Variants in FH observed in about 807,000 individuals in gnomAD.
FH encodes fumarate hydratase, also known as fumarate hydratase, mitochondrial.
In FH, 22 loss-of-function variants were observed where a neutral mutation model predicts 49.4. The observed-to-expected ratio is 0.45, with a 90% CI of 0.32 to 0.64. FH has a LOEUF of 0.64. FH is among the 30% of genes least tolerant of loss of function. The pLI, the probability that FH is intolerant of heterozygous loss-of-function variation, is 0.05. For synonymous variants in FH, 208 were observed against 223.0 expected (o/e 0.93, Z 0.60); for missense variants, 526 against 641.5 (o/e 0.82, Z 1.95).
At position 241,515,977 on chromosome 1, in the gene FH, T is replaced by G. The variant is rs192400367; in HGVS notation, c.267+1205A>C. Among the ~76,000 whole-genome samples the G allele has an allele frequency of 5.8e-3, 882 of 152,308 alleles. 10 individuals are homozygous for G. Among genetic ancestry groups the G allele is most frequent in the African/African-American group, 0.02 (842 of 41,554 alleles). On this transcript the variant is annotated intron_variant, in intron 2 of 9. Coordinates refer to ENST00000366560, the MANE Select transcript of FH (RefSeq NM_000143.4). ...ATGGAATTGAATAAATACTTATATA[T>G]TATCTATTATATGTCAGACATGGTT...
intron 4 of FH, among the ~76,000 whole-genome samples, chr1:241,511,273 A>C (rs1660076221): frequency 6.6e-6 from 1 of 152,184 alleles, no homozygotes; most frequent in African/African-American, 2.4e-5. Flanking sequence ...CTACAAACCA[A>C]AAAGTGGGCC....
At chr1:241,509,513 C>A (rs1013608074) in intron 4 of FH, among the ~76,000 whole-genome samples, 24 of 152,154 alleles carry the variant, frequency 1.6e-4, no homozygotes, top group African/African-American at 5.6e-4. Flanking sequence ...GTGGCTCATG[C>A]CTATAACCTC....
Position 241,500,602 on chromosome 1 carries a change from T to TAAGA in FH, c.1237-13_1237-12insTCTT, listed in dbSNP as rs1553340725. ...AACACATTTTTAATCTTTGAGTGAGTGAGAGAGAGAGAGAGAGAGAGAGAG... is the reference window on the plus strand; with the variant it reads ...AACACATTTTTAATCTTTGAGTGAGTAAGAGAGAGAGAGAGAGAGAGAGAGAGAG... On this transcript the variant is annotated splice_polypyrimidine_tract_variant and intron_variant, in intron 8 of 9. Transcript: ENST00000366560. The TAAGA allele has an allele frequency of 5.4e-5, 80 of 1,490,708 alleles. 1 individual carries two copies. In the Admixed American group the frequency reaches 1.1e-3, roughly 21 times the overall value. The allele number at this position is 1,490,708 out of a possible 1,614,324, so 92.3% of individuals were successfully genotyped here. A position where few individuals can be genotyped will look rare whatever the true frequency, so the allele number is the denominator to read the frequency against.
chr1:241,500,410 T>C, intron 9 of FH, 27 bp downstream of exon 9: 1 of 1,609,888 alleles, frequency 6.2e-7, no homozygotes, highest in Non-Finnish European at 8.5e-7. Flanking sequence ...GCATTCAAAA[T>C]GATATTATTA....
intron 8 of FH, among the ~76,000 whole-genome samples, 162 bp from the exon 9 acceptor site, chr1:241,500,752 C>G (rs1266581855): frequency 6.6e-6 from 1 of 151,712 alleles, no homozygotes; most frequent in East Asian, 1.9e-4. Flanking sequence ...GCACTATAAC[C>G]AAGGAAACAA....
At chr1:241,506,730 T>C (rs182330998) in intron 5 of FH, among the ~76,000 whole-genome samples, 2 of 152,320 alleles carry the variant, frequency 1.3e-5, no homozygotes, top group Admixed American at 1.3e-4. Flanking sequence ...TTGAAGGACC[T>C]TCCAAAAAGA....
At chr1:241,503,971 A>G in intron 7 of FH, 71 bp downstream of exon 7, 2 of 1,422,644 alleles carry the variant, frequency 1.4e-6, no homozygotes, top group South Asian at 1.2e-5. Context: ...AAAGAGAGAC[A>G]TGGTCCATAG....
chr1:241,509,446 G>A lies in FH; in HGVS notation c.556-661C>T, dbSNP rs370167048. 1.7e-3 allele frequency among the ~76,000 whole-genome samples: 263 copies of A among 152,262 alleles called. 10 individuals are homozygous for A. The South Asian group carries it at 0.052, about 30-fold the overall frequency. On this transcript the variant is annotated intron_variant, in intron 4 of 9. Coordinates refer to ENST00000366560, the MANE Select transcript of FH (RefSeq NM_000143.4). ...CCTAGCCAGGTAGTATATACTCAGT[G>A]CTCTTTCCTCAACTGTTGACCCTGT...
In FH at chr1:241,519,727, C is replaced by T. The variant is rs1398827199; in HGVS notation, c.-5G>A. On this transcript the variant is annotated 5_prime_UTR_variant, in exon 1 of 10. Coordinates refer to ENST00000366560, the MANE Select transcript of FH (RefSeq NM_000143.4). Reference sequence around the variant, plus strand: ...GAGCCGAAGTGCTCGGTACATGGTGCTGAGGGAGCTTGGGTAGAATTTCTG... The same window carrying T: ...GAGCCGAAGTGCTCGGTACATGGTGTTGAGGGAGCTTGGGTAGAATTTCTG... 20 of 1,532,608 alleles carry T rather than the reference C, an allele frequency of 1.3e-5. No individual in the cohort carries two copies. The highest frequency in any genetic ancestry group is 7.5e-5 in the East Asian group (3 of 39,978). The allele number at this position is 1,532,608 out of a possible 1,614,324, so 94.9% of individuals were successfully genotyped here. A position where few individuals can be genotyped will look rare whatever the true frequency, so the allele number is the denominator to read the frequency against.
rs1659805291 is a variant in FH at position 241,502,479 on chromosome 1, A to C, written c.1200T>G (p.Asn400Lys). The change falls in exon 8 of 10, where the codon AAT (asparagine) becomes AAG (lysine). Residue 400 changes from asparagine (N) to lysine (K), a missense_variant. Transcript: ENST00000366560. The stretch of plus-strand genomic sequence containing the variant: ...TGAAAACATTCAACTCAAAATGTCC[A>C]TTGCTGCCTCCGACAGTGACAGCAA... ...NHVAVTVGGS[N>K]GHFELNVFKP... The C allele has an allele frequency of 1.2e-5, 20 of 1,614,136 alleles. No individual in the cohort carries two copies. The highest frequency in any genetic ancestry group is 1.7e-5 in the Non-Finnish European group (20 of 1,179,996).
intron 4 of FH, 35 bp downstream of exon 4, chr1:241,511,932 T>C (rs1345489291): frequency 6.2e-7 from 1 of 1,609,516 alleles, no homozygotes; most frequent in Admixed American, 1.7e-5. Context: ...GCTTTTCAAT[T>C]TATAACCAAA....
chr1:241,512,179 G>T, intron 3 of FH, 36 bp from the exon 4 acceptor site: 1 of 1,579,026 alleles, frequency 6.3e-7, no homozygotes, highest in Non-Finnish European at 8.7e-7. Flanking sequence ...TTTTAAAAAA[G>T]GAAATAATAA....
intron 2 of FH, among the ~76,000 whole-genome samples, chr1:241,515,250 G>A (rs1660185350): frequency 6.6e-6 from 1 of 152,124 alleles, no homozygotes. Context: ...CCAGGTGTCT[G>A]CCTTTCACAG....
At chr1:241,505,851 A>T in intron 6 of FH, 152 bp downstream of exon 6, 1 of 753,688 alleles carries the variant, frequency 1.3e-6, no homozygotes, top group Non-Finnish European at 2.2e-6. Flanking sequence ...TTAACATTAT[A>T]ACTTCAGAAA....
In FH at chr1:241,519,712, G is replaced by A. The variant is rs1252151546; in HGVS notation, c.11C>T (p.Ala4Val). The A allele has an allele frequency of 6.5e-7, 1 of 1,546,918 alleles. No individual in the cohort carries two copies. Among genetic ancestry groups the A allele is most frequent in the Non-Finnish European group, 8.7e-7 (1 of 1,145,698 alleles). MYR[A>V]LRLLARSRPL... ...ACGCGAGCGCGCGAGGAGCCGAAGT[G>A]CTCGGTACATGGTGCTGAGGGAGCT... Residue 4 changes from alanine (A) to valine (V), a missense_variant, in exon 1 of 10, where the codon GCA becomes GTA. By Grantham distance (64) the Ala-to-Val change is moderately conservative. This residue lies in a region of FH where 143 missense variants were observed against 127.5 expected (regional missense o/e 1.12). Coordinates refer to ENST00000366560, the MANE Select transcript of FH (RefSeq NM_000143.4).
At chr1:241,519,493 C>A (rs915649784) in intron 1 of FH, 98 bp downstream of exon 1, 9 of 1,421,072 alleles carry the variant, frequency 6.3e-6, no homozygotes, top group African/African-American at 5.9e-5. Flanking sequence ...CCCGGACGCC[C>A]GGGGAATCTC....
chr1:241,505,643 TTAAGTC>T (rs1659909277), intron 6 of FH, among the ~76,000 whole-genome samples: 1 of 152,136 alleles, frequency 6.6e-6, no homozygotes. Flanking sequence ...AAAAAAGAAA[TTAAGTC>T]TGTCTACAAC....
rs1162334354 is a variant in FH, at chr1:241,504,245, C to T, written c.905G>A (p.Gly302Asp). ...ATTCGGAGCAGTGACAAAAGGCAAG[C>T]CTAAAGAAAAGAAAAATATCCTAGA... ...KVAAKVAALT[G>D]LPFVTAPNKF... is the part of the protein sequence containing the mutation. Residue 302 changes from glycine (G) to aspartate (D), a missense_variant and splice_region_variant, in exon 7 of 10, where the codon GGC becomes GAC. Physicochemically the swap from Gly to Asp is moderately conservative, Grantham distance 94. Coordinates refer to ENST00000366560, the MANE Select transcript of FH (RefSeq NM_000143.4). The T allele has an allele frequency of 1.2e-6, 2 of 1,613,670 alleles. No homozygotes were observed. Among genetic ancestry groups the T allele is most frequent in the African/African-American group, 1.3e-5 (1 of 74,934 alleles).
intron 5 of FH, among the ~76,000 whole-genome samples, chr1:241,506,904 T>C (rs1325667895): frequency 6.6e-6 from 1 of 152,030 alleles, no homozygotes. Flanking sequence ...ACACTGGGAG[T>C]TAACTGGACA....
Sources: allele counts gnomAD v4.1 joint callset (sites outside exome capture counted in the v4.1 genomes callset), GRCh38; gene constraint gnomAD v4.1.1; regional missense constraint gnomAD v4.1.1; transcripts MANE v1.5; gene names NCBI Gene and HGNC (gene_info 2026-07-23, HGNC 2026-07-21).